The following BRD8 variants were observed in gnomAD, a reference collection of about 807,000 sequenced individuals.
BRD8 encodes the protein bromodomain containing 8, also known as bromodomain-containing protein 8.
BRD8 carries 67 observed loss-of-function variants against 143.1 expected under a neutral mutation model. The observed-to-expected ratio is 0.47, with a 90% CI of 0.38 to 0.57. The LOEUF (loss-of-function observed/expected upper bound fraction) is 0.57, where lower values mean the gene tolerates loss of function less well. Ranked by LOEUF, BRD8 falls within the 20% of genes least tolerant of loss-of-function variation. The pLI is 0.00. For missense variants in BRD8, 1,103 were observed against 1,503.0 expected, an observed-to-expected ratio of 0.73 and a Z score of 4.40; for synonymous variants, 505 against 517.1, an observed-to-expected ratio of 0.98 and a Z score of 0.32.
Position 138,167,912 on chromosome 5 carries a change from T to A in BRD8, c.787+22A>T, listed in dbSNP as rs111739014. ...TCAAGTTCAACACCTTTGAGGTTGA[T>A]AAAGGAAAAGTGGTAACTTACCTGA... On this transcript the variant is annotated intron_variant, in intron 9 of 26. Transcript: ENST00000254900. 825 of 1,609,988 alleles carry A rather than the reference T, an allele frequency of 5.1e-4. 4 individuals carry two copies. The African/African-American group carries it at 7.2e-3, about 14-fold the overall frequency.
At chr5:138,166,809 A>T (rs1339461959) in intron 9 of BRD8, 82 bp from the exon 10 acceptor site, 6 of 823,820 alleles carry the variant, frequency 7.3e-6, no homozygotes, top group Non-Finnish European at 1.2e-5. Flanking sequence ...GACTCAACTA[A>T]GAAAATTCTT....
chr5:138,170,361 T>G lies in BRD8; in HGVS notation c.489A>C (p.Thr163=). The change falls in exon 7 of 27, where the codon ACA becomes ACC. Residue 163 remains threonine, a synonymous_variant. Transcript: ENST00000254900. ...EEEAEVKRKA[T]DAAYQARQAV... The stretch of plus-strand genomic sequence containing the variant: ...TCAGCTTACCCTGGTATGCAGCATC[T>G]GTAGCCTTCCTCTTTACTTCAGCCT... 1 of 1,613,406 alleles carries G rather than the reference T, an allele frequency of 6.2e-7. No homozygotes were observed. The highest frequency in any genetic ancestry group is 8.5e-7 in the Non-Finnish European group (1 of 1,179,286).
At chr5:138,177,383 TA>T (rs1465016535) in intron 2 of BRD8, 187 bp downstream of exon 2, 1 of 389,692 alleles carries the variant, frequency 2.6e-6, no homozygotes, top group African/African-American at 2.1e-5. Flanking sequence ...ATACAAAAAT[TA>T]GCTGGGCGTG....
Position 138,163,987 on chromosome 5 carries a change from T to G in BRD8, c.1872+100A>C, listed in dbSNP as rs545337027. On this transcript the variant is annotated intron_variant, in intron 14 of 26. Coordinates refer to ENST00000254900, the MANE Select transcript of BRD8 (RefSeq NM_139199.2). The stretch of plus-strand genomic sequence containing the variant: ...CATGCAACTCCATACCAGTCTCTTA[T>G]CAGAGAATAAAGATGTGACTTTACT... The G allele has an allele frequency of 1.6e-5, 22 of 1,388,112 alleles. No individual in the cohort carries two copies. In the East Asian group the frequency reaches 5.0e-4, roughly 32 times the overall value. 86.0% of individuals were successfully genotyped at this position (1,388,112 alleles called of 1,614,324 possible). A position where few individuals can be genotyped will look rare whatever the true frequency, so the allele number is the denominator to read the frequency against.
At chr5:138,142,871 A>G (rs1220647933) in intron 25 of BRD8, among the ~76,000 whole-genome samples, 1 of 151,970 alleles carries the variant, frequency 6.6e-6, no homozygotes, top group Non-Finnish European at 1.5e-5. Flanking sequence ...CTTAAGACCA[A>G]CCTGGGCAAT....
chr5:138,176,355 G>T (rs1754335505), intron 2 of BRD8, among the ~76,000 whole-genome samples: 1 of 152,142 alleles, frequency 6.6e-6, no homozygotes, highest in South Asian at 2.1e-4. Context: ...CACTTTTGGA[G>T]GCCAGGACTG....
chr5:138,143,139 G>C (rs62381761), intron 25 of BRD8, among the ~76,000 whole-genome samples: 4 of 151,656 alleles, frequency 2.6e-5, no homozygotes, highest in Non-Finnish European at 5.9e-5. Flanking sequence ...ACAAAAATTA[G>C]CCGGGCATGG....
intron 20 of BRD8, chr5:138,157,270 A>G (rs1222258747): frequency 2.5e-6 from 4 of 1,613,692 alleles, no homozygotes; most frequent in Non-Finnish European, 1.7e-6. Flanking sequence ...CCTCCATCCT[A>G]GATGACAGGC....
chr5:138,165,294 A>G, intron 11 of BRD8, 128 bp from the exon 12 acceptor site: 1 of 1,018,258 alleles, frequency 9.8e-7, no homozygotes, highest in Non-Finnish European at 1.4e-6. Flanking sequence ...TAGTGGAGGC[A>G]AACAATGAAG....
At chr5:138,159,759 G>A (rs546367710) in intron 19 of BRD8, among the ~76,000 whole-genome samples, 160 bp from the exon 20 acceptor site, 11 of 152,232 alleles carry the variant, frequency 7.2e-5, no homozygotes, top group Admixed American at 2.6e-4. Context: ...TGTCCATTAC[G>A]CCTCTAGCAC....
chr5:138,144,898 C>CAAAAAAAA (rs34496046), intron 25 of BRD8, among the ~76,000 whole-genome samples: 2 of 103,532 alleles, frequency 1.9e-5, no homozygotes, highest in Non-Finnish European at 3.7e-5. Context: ...GAGACCCTGT[C>CAAAAAAAA]AAAAAAAAAA....
At position 138,161,078 on chromosome 5, in the gene BRD8, A is replaced by C. The variant is rs749737955; in HGVS notation, c.2250-10T>G. Reference sequence around the variant, plus strand: ...TGACAAATCCATAGGCCTAAAAAAAAAGAACAGGGGTAAGTAGCAGTGGGG... The same window carrying C: ...TGACAAATCCATAGGCCTAAAAAAACAGAACAGGGGTAAGTAGCAGTGGGG... On this transcript the variant is annotated splice_polypyrimidine_tract_variant and intron_variant, in intron 17 of 26. Coordinates refer to ENST00000254900, the MANE Select transcript of BRD8 (RefSeq NM_139199.2). The C allele has an allele frequency of 1.2e-6, 2 of 1,606,890 alleles. No homozygotes were observed. The highest frequency in any genetic ancestry group is 1.7e-6 in the Non-Finnish European group (2 of 1,176,122).
chr5:138,160,267 GT>G lies in BRD8; in HGVS notation c.2428-95del, dbSNP rs1368245175. 19 of 823,730 alleles carry G rather than the reference GT, an allele frequency of 2.3e-5. No individual in the cohort carries two copies. The African/African-American group carries it at 2.9e-4, about 12-fold the overall frequency. 51.0% of individuals were successfully genotyped at this position (823,730 alleles called of 1,614,324 possible). A position where few individuals can be genotyped will look rare whatever the true frequency, so the allele number is the denominator to read the frequency against. On this transcript the variant is annotated intron_variant, in intron 18 of 26. Coordinates refer to ENST00000254900, the MANE Select transcript of BRD8 (RefSeq NM_139199.2). ...AGCACTGTAAATAGAACTTTGTATA[GT>G]ACTCTTCTGGCTCAAATATATTTTG...
In BRD8 at chr5:138,164,741, C is replaced by T. The variant is rs377041924; in HGVS notation, c.1704G>A (p.Glu568=). ...EADVAIGKGD[E]TPLTNVKTEA... is the part of the protein sequence containing the mutation. ...CTGTCTTCACATTTGTAAGTGGAGT[C>T]TCATCGCCTTTCCCAATGGCAACAT... The change falls in exon 12 of 27, where the codon GAG becomes GAA. Residue 568 remains glutamate (E), a synonymous_variant. Transcript: ENST00000254900. 2.2e-5 allele frequency: 35 copies of T among 1,614,222 alleles called. No homozygotes were observed. The African/African-American group carries it at 4.5e-4, about 21-fold the overall frequency.
chr5:138,173,160 G>A (rs1390538206), intron 2 of BRD8, among the ~76,000 whole-genome samples: 1 of 152,168 alleles, frequency 6.6e-6, no homozygotes, highest in Non-Finnish European at 1.5e-5. Flanking sequence ...CACTTCGGGA[G>A]GTCGAGGAGG....
chr5:138,160,026 C>T lies in BRD8; in HGVS notation c.2532+43G>A, dbSNP rs1371162892. ...GGTCCTTGGATGCTTCAGACTTCTA[C>T]TACTGGAACACTGGCACACAGGTTC... is the stretch of plus-strand genomic sequence containing the variant. On this transcript the variant is annotated intron_variant, in intron 19 of 26. Transcript: ENST00000254900. 7 of 1,486,684 alleles carry T rather than the reference C, an allele frequency of 4.7e-6. No homozygotes were observed. The Admixed American group carries it at 5.0e-5, about 11-fold the overall frequency. 92.1% of individuals were successfully genotyped at this position (1,486,684 alleles called of 1,614,324 possible). A position where few individuals can be genotyped will look rare whatever the true frequency, so the allele number is the denominator to read the frequency against.
In BRD8 at chr5:138,160,096, A is replaced by C; in HGVS notation, c.2505T>G (p.Ser835=). ...TCTCTGAAGCATCCTGTTTGCGGGTAGAATCTCTCCCTCGAAGACTTTTAG... is the reference window on the plus strand; with the variant it reads ...TCTCTGAAGCATCCTGTTTGCGGGTCGAATCTCTCCCTCGAAGACTTTTAG... ...ISAKSLRGRD[S]TRKQDASEKD... Residue 835 remains serine (S), a synonymous_variant, in exon 19 of 27, where the codon TCT becomes TCG. Transcript: ENST00000254900. 6.2e-7 allele frequency: 1 copy of C among 1,614,108 alleles called. No individual in the cohort carries two copies. The highest frequency in any genetic ancestry group is 8.5e-7 in the Non-Finnish European group (1 of 1,179,936).
At chr5:138,167,838 T>TCTAGCTACTACTA in intron 9 of BRD8, 96 bp downstream of exon 9, 1 of 1,141,756 alleles carries the variant, frequency 8.8e-7, no homozygotes, top group Non-Finnish European at 1.3e-6. Flanking sequence ...GGGCTTTAAA[T>TCTAGCTACTACTA]CTAGCACTGA....
intron 23 of BRD8, among the ~76,000 whole-genome samples, chr5:138,149,027 T>C (rs1266714303): frequency 1.3e-5 from 2 of 150,268 alleles, no homozygotes; most frequent in Non-Finnish European, 3.0e-5. Flanking sequence ...ATCGTGCCCA[T>C]TGCACTCCAG....
Sources: allele counts gnomAD v4.1 joint callset (sites outside exome capture counted in the v4.1 genomes callset), GRCh38; gene constraint gnomAD v4.1.1; transcripts MANE v1.5; gene names NCBI Gene and HGNC (gene_info 2026-07-23, HGNC 2026-07-21).